STK32C: variants seen among roughly 807,000 people sequenced by gnomAD.
STK32C encodes the protein serine/threonine kinase 32C.
In STK32C, 31 loss-of-function variants were observed where a neutral mutation model predicts 56.5. The ratio of observed to expected loss-of-function variants is 0.55; its 90% CI spans 0.41 to 0.74. The LOEUF (loss-of-function observed/expected upper bound fraction) is 0.74, where lower values mean the gene tolerates loss of function less well. Ranked by LOEUF, STK32C falls within the 30% of genes least tolerant of loss-of-function variation. STK32C has a pLI of 0.00. For missense variants in STK32C, 544 were observed against 676.9 expected, an observed-to-expected ratio of 0.80 and a Z score of 2.18; for synonymous variants, 309 against 289.4, an observed-to-expected ratio of 1.07 and a Z score of -0.69.
chr10:132,243,637 G>C (rs1174697536), intron 2 of STK32C, among the ~76,000 whole-genome samples: 1 of 152,196 alleles, frequency 6.6e-6, no homozygotes, highest in Non-Finnish European at 1.5e-5. Context: ...TTTGTTATGT[G>C]TAATTCACTG....
At chr10:132,280,582 C>A (rs537911165) in intron 1 of STK32C, among the ~76,000 whole-genome samples, 3 of 147,162 alleles carry the variant, frequency 2.0e-5, no homozygotes, top group Non-Finnish European at 3.0e-5. Flanking sequence ...CACGCCCCTG[C>A]ACCCTGTGAT....
intron 1 of STK32C, among the ~76,000 whole-genome samples, chr10:132,326,271 T>C (rs550074356): frequency 7.6e-4 from 116 of 152,330 alleles, no homozygotes; most frequent in African/African-American, 2.7e-3. Context: ...CCATGTGATA[T>C]TACGCCAGAG....
At chr10:132,258,239 G>A (rs2064191327) in intron 1 of STK32C, among the ~76,000 whole-genome samples, 1 of 152,254 alleles carries the variant, frequency 6.6e-6, no homozygotes, top group African/African-American at 2.4e-5. Flanking sequence ...CTGGGCAGGT[G>A]TCTGCCGGGC....
chr10:132,226,726 A>G, intron 4 of STK32C, 69 bp downstream of exon 4: 2 of 1,559,326 alleles, frequency 1.3e-6, no homozygotes, highest in East Asian at 2.3e-5. Flanking sequence ...CCGTGCCGGC[A>G]GCCTGACCTA....
chr10:132,263,908 A>C (rs2064399373), intron 1 of STK32C, among the ~76,000 whole-genome samples: 1 of 152,070 alleles, frequency 6.6e-6, no homozygotes, highest in African/African-American at 2.4e-5. Context: ...AAAAAGAAAA[A>C]GCATGGCGCA....
chr10:132,212,542 A>G (rs893102289), intron 10 of STK32C, among the ~76,000 whole-genome samples: 1 of 152,234 alleles, frequency 6.6e-6, no homozygotes, highest in Admixed American at 6.5e-5. Flanking sequence ...CAGAGCAGCC[A>G]AGGAGGAAAC....
chr10:132,270,481 G>T (rs1179291760), intron 1 of STK32C, among the ~76,000 whole-genome samples: 1 of 152,232 alleles, frequency 6.6e-6, no homozygotes, highest in African/African-American at 2.4e-5. Flanking sequence ...CGGCACTTCT[G>T]GAGGGCAGGT....
intron 1 of STK32C, among the ~76,000 whole-genome samples, chr10:132,288,782 C>T (rs1195183862): frequency 1.3e-5 from 2 of 152,058 alleles, no homozygotes; most frequent in Admixed American, 6.6e-5. Flanking sequence ...AAAATGGCAA[C>T]CCATGCTGAG....
At chr10:132,308,083 G>A (rs1320930803), upstream of STK32C, 1 of 267,974 alleles carries the variant, frequency 3.7e-6, no homozygotes, top group African/African-American at 2.5e-5. Context: ...CGTGGCAGGT[G>A]CGGAGCTTCG....
chr10:132,305,170 T>C (rs1174181432), intron 1 of STK32C, among the ~76,000 whole-genome samples: 2 of 152,090 alleles, frequency 1.3e-5, no homozygotes, highest in African/African-American at 2.4e-5. Flanking sequence ...AATGGGAGCA[T>C]GTGAGGGGCT....
chr10:132,234,763 G>T (rs1022393932), intron 2 of STK32C, among the ~76,000 whole-genome samples: 18 of 152,340 alleles, frequency 1.2e-4, no homozygotes, highest in African/African-American at 3.8e-4. Context: ...TGCTGGGGGG[G>T]CCTTGGGGGT....
intron 10 of STK32C, 128 bp from the exon 11 acceptor site, chr10:132,209,229 A>G: frequency 1.2e-6 from 1 of 846,792 alleles, no homozygotes; most frequent in Non-Finnish European, 2.0e-6. Flanking sequence ...CCTCTGGGCT[A>G]TTGAAGTGCC....
chr10:132,247,855 T>C (rs756631138), intron 1 of STK32C, among the ~76,000 whole-genome samples: 1 of 151,480 alleles, frequency 6.6e-6, no homozygotes, highest in Non-Finnish European at 1.5e-5. Context: ...GCACAGGAGG[T>C]TGGGACCAAG....
chr10:132,240,425 A>AGG (rs929791692), intron 2 of STK32C, among the ~76,000 whole-genome samples: 1 of 152,192 alleles, frequency 6.6e-6, no homozygotes, highest in Admixed American at 6.5e-5. Flanking sequence ...GAGACGGCAC[A>AGG]GGGGGCCCAG....
intron 2 of STK32C, among the ~76,000 whole-genome samples, chr10:132,241,369 TAA>T (rs1182750597): frequency 6.6e-6 from 1 of 152,104 alleles, no homozygotes; most frequent in Non-Finnish European, 1.5e-5. Context: ...AGTTAGAAAA[TAA>T]AGTCTGTTAG....
chr10:132,326,056 A>C (rs1250605430), intron 1 of STK32C, among the ~76,000 whole-genome samples: 1 of 152,062 alleles, frequency 6.6e-6, no homozygotes, highest in African/African-American at 2.4e-5. Context: ...ATGGACTAAC[A>C]TGGTTTCCTA....
intron 1 of STK32C, among the ~76,000 whole-genome samples, chr10:132,302,488 A>G (rs1368724899): frequency 1.3e-5 from 2 of 152,184 alleles, no homozygotes; most frequent in Non-Finnish European, 2.9e-5. Flanking sequence ...CGGGGAAGCC[A>G]GGAGCAAACA....
At chr10:132,282,516 C>G (rs1171476592) in intron 1 of STK32C, among the ~76,000 whole-genome samples, 2 of 151,806 alleles carry the variant, frequency 1.3e-5, no homozygotes, top group Non-Finnish European at 2.9e-5. Context: ...CCTGCGCCCA[C>G]CTGTGCCTGT....
chr10:132,228,262 CCT>C, intron 2 of STK32C, 134 bp from the exon 3 acceptor site: 1 of 1,075,802 alleles, frequency 9.3e-7, no homozygotes, highest in South Asian at 1.3e-5. Context: ...CGCCGCAGCC[CCT>C]CTGCCTCCTA....
Sources: allele counts gnomAD v4.1 joint callset (sites outside exome capture counted in the v4.1 genomes callset), GRCh38; gene constraint gnomAD v4.1.1; transcripts MANE v1.5; gene names NCBI Gene and HGNC (gene_info 2026-07-23, HGNC 2026-07-21).